The following ABCA13 variants were observed in gnomAD, a reference collection of about 807,000 sequenced individuals.
ABCA13 encodes the protein ATP-binding cassette sub-family A member 13.
ABCA13 carries 476 observed loss-of-function variants against 478.7 expected under a neutral mutation model. That is an observed-to-expected ratio of 0.99 (90% confidence interval 0.92 to 1.07). ABCA13 has a LOEUF of 1.07. Ranked by LOEUF, ABCA13 falls within the 50% of genes least tolerant of loss-of-function variation. The pLI, the probability that ABCA13 is intolerant of heterozygous loss-of-function variation, is 0.00. For synonymous variants in ABCA13, 2,252 were observed against 2,158.9 expected, an observed-to-expected ratio of 1.04 and a Z score of -1.20; for missense variants, 6,060 against 5,910.6, an observed-to-expected ratio of 1.03 and a Z score of -0.83.
chr7:48,193,200 T>C (rs904714534), intron 2 of ABCA13, 148 bp downstream of exon 2: 3 of 646,274 alleles, frequency 4.6e-6, no homozygotes, highest in Non-Finnish European at 7.8e-6. Context: ...ATCTGGAGTA[T>C]ATGTCAATAA....
chr7:48,434,204 C>A (rs755826868), intron 42 of ABCA13, among the ~76,000 whole-genome samples: 53 of 151,980 alleles, frequency 3.5e-4, no homozygotes, highest in Admixed American at 1.3e-3. Context: ...TAATAATCAT[C>A]CTAATGGGTG....
chr7:48,368,017 C>T (rs1172810374), intron 32 of ABCA13, 109 bp downstream of exon 32: 2 of 744,952 alleles, frequency 2.7e-6, no homozygotes, highest in Admixed American at 5.7e-5. Context: ...GCTTCCCTCT[C>T]CTCTGCTGGG....
At chr7:48,438,889 T>TTTTTTTG (rs1823214600) in intron 42 of ABCA13, among the ~76,000 whole-genome samples, 2 of 128,290 alleles carry the variant, frequency 1.6e-5, no homozygotes, top group Non-Finnish European at 3.5e-5. Flanking sequence ...CTAAGGTTTT[T>TTTTTTTG]TTTTTTTTTT....
intron 42 of ABCA13, among the ~76,000 whole-genome samples, chr7:48,441,562 T>C (rs1451697045): frequency 6.6e-6 from 1 of 152,204 alleles, no homozygotes; most frequent in Non-Finnish European, 1.5e-5. Flanking sequence ...AGTAGCTCCG[T>C]AGAAATGAGT....
chr7:48,423,269 G>C (rs577312351), intron 41 of ABCA13, among the ~76,000 whole-genome samples: 62 of 152,292 alleles, frequency 4.1e-4, no homozygotes, highest in South Asian at 1.7e-3. Flanking sequence ...TCACTTTGGG[G>C]AAACAGAAAG....
chr7:48,470,814 G>A (rs1341019960), intron 44 of ABCA13, among the ~76,000 whole-genome samples: 1 of 152,200 alleles, frequency 6.6e-6, no homozygotes, highest in Non-Finnish European at 1.5e-5. Flanking sequence ...AGCAGGGCTA[G>A]TAAGGATGGT....
Position 48,352,265 on chromosome 7 carries a change from G to C in ABCA13, c.10466G>C (p.Arg3489Pro). Residue 3489 changes from arginine (R) to proline (P), a missense_variant, in exon 31 of 62, where the codon CGG becomes CCG. Transcript: ENST00000435803. Reference protein sequence around the residue: ...KLPPHVSYTIRTNVLYSVRTD... With the variant: ...KLPPHVSYTIPTNVLYSVRTD... ...CCACCCCATGTCTCATACACAATCC[G>C]GACCAATGTGTTATACAGCGTGCGA... 1.2e-6 allele frequency: 2 copies of C among 1,613,704 alleles called. No individual in the cohort carries two copies. The highest frequency in any genetic ancestry group is 1.7e-6 in the Non-Finnish European group (2 of 1,179,840).
chr7:48,273,342 G>C lies in ABCA13; in HGVS notation c.3676G>C (p.Glu1226Gln). The change falls in exon 17 of 62, where the codon GAG becomes CAG. Residue 1226 changes from glutamate to glutamine, a missense_variant. Transcript: ENST00000435803. ...TCAAGCCAATGACTTCCATAATTGG[G>C]AGGACTTCCTGGATCTCAGGGATTT... ...VTQANDFHNW[E>Q]DFLDLRDFLV... is the part of the protein sequence containing the mutation. The C allele has an allele frequency of 6.2e-7, 1 of 1,613,616 alleles. No individual in the cohort carries two copies. The highest frequency in any genetic ancestry group is 1.1e-5 in the South Asian group (1 of 91,066).
chr7:48,425,905 C>T (rs1821354613), intron 41 of ABCA13, among the ~76,000 whole-genome samples: 1 of 151,912 alleles, frequency 6.6e-6, no homozygotes, highest in Non-Finnish European at 1.5e-5. Flanking sequence ...CCTCGCCCGG[C>T]TAATTTTTTG....
chr7:48,551,251 G>T (rs558435185), intron 55 of ABCA13, among the ~76,000 whole-genome samples: 1 of 148,482 alleles, frequency 6.7e-6, no homozygotes, highest in South Asian at 2.1e-4. Context: ...TTGGTATATG[G>T]CTAGGGCTTA....
chr7:48,372,180 A>G lies in ABCA13; in HGVS notation c.10816A>G (p.Met3606Val). 1 of 1,612,850 alleles carries G rather than the reference A, an allele frequency of 6.2e-7. No individual in the cohort carries two copies. The highest frequency in any genetic ancestry group is 1.1e-5 in the South Asian group (1 of 91,038). ...EIQIEEYMRM[M>V]GVHPVIHFLA... The stretch of plus-strand genomic sequence containing the variant: ...CTCTTTTTGGTAGTATATGCGGATG[A>G]TGGGAGTGCATCCAGTGATCCATTT... Residue 3606 changes from methionine (M) to valine (V), a missense_variant, in exon 33 of 62, where the codon ATG becomes GTG. By Grantham distance (21) the Met-to-Val change is conservative. Around this residue, in one of 3 missense-constraint regions of ABCA13, gnomAD observed 4,423 missense variants for 4,309.1 expected, o/e 1.03. Coordinates refer to ENST00000435803, the MANE Select transcript of ABCA13 (RefSeq NM_152701.5).
intron 29 of ABCA13, among the ~76,000 whole-genome samples, chr7:48,349,538 C>T (rs1343959561): frequency 6.6e-6 from 1 of 152,162 alleles, no homozygotes; most frequent in Non-Finnish European, 1.5e-5. Context: ...TCAGGGCTGG[C>T]CCCCCTTTAC....
At chr7:48,282,762 G>T (rs1267868928) in intron 19 of ABCA13, among the ~76,000 whole-genome samples, 2 of 152,078 alleles carry the variant, frequency 1.3e-5, no homozygotes, top group Non-Finnish European at 2.9e-5. Context: ...ACCCTGTCTG[G>T]GGTCACATGG....
rs961559272 is a variant in ABCA13, at chr7:48,597,196, C to T, written c.14744+2383C>T. On this transcript the variant is annotated intron_variant, in intron 58 of 61. Transcript: ENST00000435803. ...CGATCTCCTGACCTTGTGATCCGCCCGCCTGGGCCTCCCAAAGTGCTGGGA... is the reference window on the plus strand; with the variant it reads ...CGATCTCCTGACCTTGTGATCCGCCTGCCTGGGCCTCCCAAAGTGCTGGGA... Among the ~76,000 whole-genome samples the T allele has an allele frequency of 1.1e-4, 17 of 152,262 alleles. 1 individual carries two copies. The Middle Eastern group carries it at 0.01, about 92-fold the overall frequency.
chr7:48,321,082 G>T (rs1356699441), intron 27 of ABCA13, among the ~76,000 whole-genome samples: 1 of 152,160 alleles, frequency 6.6e-6, no homozygotes, highest in African/African-American at 2.4e-5. Context: ...GATGGTGGAG[G>T]CCAGTGGTTC....
At chr7:48,299,513 T>C (rs1799849439) in intron 23 of ABCA13, among the ~76,000 whole-genome samples, 1 of 152,192 alleles carries the variant, frequency 6.6e-6, no homozygotes, top group African/African-American at 2.4e-5. Flanking sequence ...AGTGCTGAAA[T>C]TGTCTCTTCC....
intron 1 of ABCA13, among the ~76,000 whole-genome samples, chr7:48,173,585 A>G (rs1270498689): frequency 5.3e-5 from 8 of 152,230 alleles, no homozygotes; most frequent in Non-Finnish European, 1.2e-4. Context: ...GATATATCCT[A>G]TAGATGTCCC....
At chr7:48,484,313 G>T (rs1475669081) in intron 47 of ABCA13, among the ~76,000 whole-genome samples, 1 of 152,146 alleles carries the variant, frequency 6.6e-6, no homozygotes, top group African/African-American at 2.4e-5. Flanking sequence ...AACAGCTGAG[G>T]TTTGTTCAAA....
chr7:48,448,765 T>C (rs1398674908), intron 42 of ABCA13, among the ~76,000 whole-genome samples: 1 of 152,214 alleles, frequency 6.6e-6, no homozygotes, highest in Non-Finnish European at 1.5e-5. Context: ...TAGATAAATA[T>C]TGCCTCCACT....
Sources: allele counts gnomAD v4.1 joint callset (sites outside exome capture counted in the v4.1 genomes callset), GRCh38; gene constraint gnomAD v4.1.1; regional missense constraint gnomAD v4.1.1; transcripts MANE v1.5; gene names NCBI Gene and HGNC (gene_info 2026-07-23, HGNC 2026-07-21).